The following NRG3 variants were observed in gnomAD, a reference collection of about 807,000 sequenced individuals.
The protein encoded by NRG3 is pro-neuregulin-3, membrane-bound isoform.
Under a neutral mutation model 66.9 loss-of-function variants are expected in NRG3, and 31 were observed. The observed-to-expected ratio is 0.46, with a 90% CI of 0.35 to 0.63. NRG3 has a LOEUF of 0.63. Ranked by LOEUF, NRG3 falls within the 20% of genes least tolerant of loss-of-function variation. NRG3 has a pLI of 0.00. For synonymous variants in NRG3, 393 were observed against 359.4 expected (o/e 1.09, Z -1.06); for missense variants, 910 against 878.9 (o/e 1.04, Z -0.45).
intron 2 of NRG3, among the ~76,000 whole-genome samples, chr10:82,707,622 G>A (rs1484999257): frequency 6.6e-6 from 1 of 151,306 alleles, no homozygotes; most frequent in East Asian, 2.0e-4. Context: ...TCAAACTCCT[G>A]GCCTCAGGTG....
intron 4 of NRG3, among the ~76,000 whole-genome samples, chr10:82,884,544 T>C (rs907088719): frequency 1.3e-5 from 2 of 152,204 alleles, no homozygotes; most frequent in Non-Finnish European, 2.9e-5. Flanking sequence ...TCTCACAGTT[T>C]GGCAATGCCC....
intron 1 of NRG3, among the ~76,000 whole-genome samples, chr10:82,045,744 A>G (rs1336517764): frequency 1.3e-4 from 4 of 30,332 alleles, no homozygotes; most frequent in East Asian, 8.9e-4. Context: ...TAATTTTTGT[A>G]TAAGGTGTAA....
chr10:82,622,832 G>T (rs925032706), intron 2 of NRG3, among the ~76,000 whole-genome samples: 2 of 152,126 alleles, frequency 1.3e-5, no homozygotes, highest in African/African-American at 4.8e-5. Flanking sequence ...AACAAGCTTC[G>T]CATTAGATGA....
At chr10:82,862,192 A>T (rs1265874707) in intron 3 of NRG3, among the ~76,000 whole-genome samples, 1 of 152,116 alleles carries the variant, frequency 6.6e-6, no homozygotes, top group African/African-American at 2.4e-5. Context: ...ATACCAACAG[A>T]CTGTTAGATG....
chr10:82,387,208 A>G (rs534997770), intron 2 of NRG3, among the ~76,000 whole-genome samples: 1 of 152,304 alleles, frequency 6.6e-6, no homozygotes, highest in African/African-American at 2.4e-5. Flanking sequence ...TGGAAACAGA[A>G]CTGCTTTTAC....
At chr10:82,985,006 A>C in intron 8 of NRG3, 92 bp from the exon 9 acceptor site, 1 of 1,450,986 alleles carries the variant, frequency 6.9e-7, no homozygotes, top group Non-Finnish European at 9.5e-7. Flanking sequence ...ATTCAGTGAG[A>C]TGGTGCATGT....
Position 82,544,451 on chromosome 10 carries a change from A to G in NRG3, c.953+185583A>G, listed in dbSNP as rs187622586. ...TTCCCCTGCCCTACAACTATGTAAC[A>G]TCCTCCCAATCAGACTCTGAACTCA... On this transcript the variant is annotated intron_variant, in intron 2 of 8. Coordinates refer to ENST00000372141, the MANE Select transcript of NRG3 (RefSeq NM_001010848.4). Among the ~76,000 whole-genome samples the G allele has an allele frequency of 1.6e-3, 244 of 152,286 alleles. 1 individual carries two copies. Among genetic ancestry groups the G allele is most frequent in the African/African-American group, 5.3e-3 (222 of 41,558 alleles).
intron 1 of NRG3, among the ~76,000 whole-genome samples, chr10:82,132,479 G>GAGATATATATCATATATATATATC (rs2068916739): frequency 1.6e-5 from 1 of 62,498 alleles, no homozygotes; most frequent in African/African-American, 5.9e-5. Context: ...ATATATATAT[G>GAGATATATATCATATATATATATC]ATATATATAT....
intron 4 of NRG3, among the ~76,000 whole-genome samples, chr10:82,927,336 T>C (rs1355137484): frequency 6.6e-5 from 10 of 152,228 alleles, no homozygotes; most frequent in African/African-American, 1.9e-4. Context: ...CCTGACAAAA[T>C]AATTTTTATT....
At chr10:81,913,886 G>A (rs1023610935) in intron 1 of NRG3, among the ~76,000 whole-genome samples, 9 of 152,184 alleles carry the variant, frequency 5.9e-5, no homozygotes, top group Non-Finnish European at 1.0e-4. Context: ...TTTAAAAGAT[G>A]TTTAAAATAT....
intron 2 of NRG3, among the ~76,000 whole-genome samples, chr10:82,672,860 C>T (rs1232865859): frequency 3.3e-5 from 5 of 152,186 alleles, no homozygotes; most frequent in East Asian, 3.9e-4. Flanking sequence ...AGCAATCCTC[C>T]TGCCTCAGCC....
At chr10:82,461,830 T>C (rs1383851578) in intron 2 of NRG3, among the ~76,000 whole-genome samples, 5 of 152,086 alleles carry the variant, frequency 3.3e-5, no homozygotes, top group Non-Finnish European at 1.5e-5. Flanking sequence ...ATTGAGCATA[T>C]AAAAATATTT....
intron 2 of NRG3, among the ~76,000 whole-genome samples, chr10:82,645,367 A>G (rs893945701): frequency 6.6e-6 from 1 of 152,160 alleles, no homozygotes; most frequent in African/African-American, 2.4e-5. Context: ...TAATTCTTGG[A>G]ATGCCTTGTG....
intron 2 of NRG3, among the ~76,000 whole-genome samples, chr10:82,534,353 C>T (rs1847612061): frequency 6.6e-6 from 1 of 151,942 alleles, no homozygotes; most frequent in East Asian, 1.9e-4. Flanking sequence ...AACCTCCGCG[C>T]TCCCGGGTTG....
chr10:82,950,943 T>C (rs1849463645), intron 4 of NRG3, among the ~76,000 whole-genome samples: 1 of 152,198 alleles, frequency 6.6e-6, no homozygotes, highest in South Asian at 2.1e-4. Context: ...ACTGGGTGAA[T>C]AAAATACTTA....
chr10:82,641,948 A>G (rs1253733282), intron 2 of NRG3, among the ~76,000 whole-genome samples: 3 of 152,142 alleles, frequency 2.0e-5, no homozygotes, highest in Non-Finnish European at 4.4e-5. Context: ...ATTAATGTAC[A>G]CTAAGAAACT....
chr10:82,283,381 A>G (rs1200901293), intron 1 of NRG3, among the ~76,000 whole-genome samples: 2 of 152,340 alleles, frequency 1.3e-5, no homozygotes, highest in African/African-American at 4.8e-5. Context: ...TCATATTCAC[A>G]TATGATGCTC....
intron 1 of NRG3, among the ~76,000 whole-genome samples, chr10:82,240,179 C>G (rs1305140785): frequency 6.6e-6 from 1 of 151,620 alleles, no homozygotes; most frequent in African/African-American, 2.4e-5. Flanking sequence ...ACTCTTTTTC[C>G]CCCCAGCAAT....
rs565071587 is a variant in NRG3, at chr10:82,117,518, G to A, written c.824-241221G>A. ...TATCTTGAATGATGAGGAGAGAATTGGAGAGTCTCTGTGTGTGTGTCTCTG... is the reference window on the plus strand; with the variant it reads ...TATCTTGAATGATGAGGAGAGAATTAGAGAGTCTCTGTGTGTGTGTCTCTG... On this transcript the variant is annotated intron_variant, in intron 1 of 8. Coordinates refer to ENST00000372141, the MANE Select transcript of NRG3 (RefSeq NM_001010848.4). Among the ~76,000 whole-genome samples, 12 of 152,092 alleles carry A rather than the reference G, an allele frequency of 7.9e-5. No homozygotes were observed. The South Asian group carries it at 2.5e-3, about 32-fold the overall frequency.
Sources: allele counts gnomAD v4.1 joint callset (sites outside exome capture counted in the v4.1 genomes callset), GRCh38; gene constraint gnomAD v4.1.1; transcripts MANE v1.5; gene names NCBI Gene and HGNC (gene_info 2026-07-23, HGNC 2026-07-21).